Variants in EXT2 observed in about 807,000 individuals in gnomAD.
EXT2 encodes the protein exostosin-2.
In EXT2, 53 loss-of-function variants were observed where a neutral mutation model predicts 81.6. The observed-to-expected ratio is 0.65, with a 90% confidence interval of 0.52 to 0.82. The LOEUF (loss-of-function observed/expected upper bound fraction) is 0.82, where lower values mean the gene tolerates loss of function less well. Among genes scored for constraint, EXT2 ranks in the 40% least tolerant of loss-of-function variants. EXT2 has a pLI of 0.00. For synonymous variants in EXT2, 320 were observed against 340.0 expected (o/e 0.94, Z 0.65); for missense variants, 774 against 910.2 (o/e 0.85, Z 1.93).
intron 12 of EXT2, 85 bp from the exon 13 acceptor site, chr11:44,236,208 C>T (rs1955962730): frequency 8.3e-7 from 1 of 1,205,410 alleles, no homozygotes; most frequent in Non-Finnish European, 1.2e-6. Context: ...GCTTACAACA[C>T]AAAAGAATGC....
intron 4 of EXT2, chr11:44,116,012 A>C (rs1443928185): frequency 2.0e-5 from 3 of 152,164 alleles, no homozygotes; most frequent in Non-Finnish European, 4.4e-5. Context: ...TTATGTTTAA[A>C]ATTGAGATTA....
rs1488460481 is a variant in EXT2 at position 44,245,280 on chromosome 11, A to G, written c.*993A>G. The G allele has an allele frequency of 4.5e-6, 1 of 224,518 alleles. No homozygotes were observed. Among genetic ancestry groups the G allele is most frequent in the Non-Finnish European group, 8.9e-6 (1 of 112,398 alleles). The allele number at this position is 224,518 out of a possible 1,614,324, so 13.9% of individuals were successfully genotyped here. A position where few individuals can be genotyped will look rare whatever the true frequency, so the allele number is the denominator to read the frequency against. On this transcript the variant is annotated 3_prime_UTR_variant, in exon 14 of 14. Transcript: ENST00000533608. The stretch of plus-strand genomic sequence containing the variant: ...TTGTGGGAATTGTGACCCCCATCCC[A>G]AGGGGATGCCAAAATTTCTCTCATT...
chr11:44,151,483 C>T (rs890447939), intron 7 of EXT2, among the ~76,000 whole-genome samples: 3 of 152,038 alleles, frequency 2.0e-5, no homozygotes, highest in Non-Finnish European at 4.4e-5. Flanking sequence ...TAGTATGTAG[C>T]CCCTTCAGTT....
At position 44,197,976 on chromosome 11, in the gene EXT2, C is replaced by G; in HGVS notation, c.1453C>G (p.Leu485Val). ...GTCCAAGGTGCCCAGTCTATCCAAA[C>G]TACTTGTCGTCTGGAATAATCAGAA... ...EVSKVPSLSK[L>V]LVVWNNQNKN... Residue 485 changes from leucine to valine, a missense_variant, in exon 9 of 14, where the codon CTA becomes GTA. Leu to Val is a conservative substitution (Grantham distance 32, BLOSUM62 1). Transcript: ENST00000533608. The G allele has an allele frequency of 6.2e-7, 1 of 1,614,122 alleles. No homozygotes were observed. The highest frequency in any genetic ancestry group is 8.5e-7 in the Non-Finnish European group (1 of 1,179,990).
intron 10 of EXT2, among the ~76,000 whole-genome samples, chr11:44,214,333 C>T (rs1015452358): frequency 6.6e-6 from 1 of 152,156 alleles, no homozygotes; most frequent in Non-Finnish European, 1.5e-5. Flanking sequence ...CCAGCATGGT[C>T]TCGATCTCCT....
chr11:44,179,205 G>T (rs533799799), intron 8 of EXT2, among the ~76,000 whole-genome samples: 19 of 152,144 alleles, frequency 1.2e-4, no homozygotes, highest in Admixed American at 3.3e-4. Flanking sequence ...CGGACTCGAG[G>T]ATATTGCTAA....
chr11:44,150,374 A>G (rs767523263), intron 7 of EXT2, among the ~76,000 whole-genome samples: 35 of 152,220 alleles, frequency 2.3e-4, no homozygotes, highest in Non-Finnish European at 4.7e-4. Context: ...AACCACAATA[A>G]TGAACAACCC....
chr11:44,156,477 T>C (rs553802945), intron 7 of EXT2, among the ~76,000 whole-genome samples: 23 of 152,316 alleles, frequency 1.5e-4, no homozygotes, highest in African/African-American at 5.1e-4. Flanking sequence ...TTCTTTCTTT[T>C]GCTTGATAAA....
chr11:44,153,131 T>C lies in EXT2; in HGVS notation c.1174-18480T>C, dbSNP rs117471457. ...GGAAGAACCGACATCTTGACAATAT[T>C]GAGTCCTCCCAGCTAGGAATATAGA... On this transcript the variant is annotated intron_variant, in intron 7 of 13. Transcript: ENST00000533608. Among the ~76,000 whole-genome samples, 715 of 152,356 alleles carry C rather than the reference T, an allele frequency of 4.7e-3. 5 individuals carry two copies. The highest frequency in any genetic ancestry group is 0.03 in the East Asian group (157 of 5,182).
chr11:44,157,393 G>A (rs1038973648), intron 7 of EXT2, among the ~76,000 whole-genome samples: 1 of 152,194 alleles, frequency 6.6e-6, no homozygotes, highest in Non-Finnish European at 1.5e-5. Flanking sequence ...GGAACCTTAG[G>A]AATCTACTTG....
At chr11:44,147,180 A>G (rs996325931) in intron 7 of EXT2, among the ~76,000 whole-genome samples, 1 of 152,212 alleles carries the variant, frequency 6.6e-6, no homozygotes, top group Non-Finnish European at 1.5e-5. Flanking sequence ...AGGTTGATGG[A>G]GTGTTAATGT....
intron 4 of EXT2, among the ~76,000 whole-genome samples, chr11:44,121,838 C>A (rs891890611): frequency 3.9e-5 from 6 of 152,086 alleles, no homozygotes; most frequent in Admixed American, 3.3e-4. Context: ...ATCCCCATAA[C>A]CCTTCCCCCA....
In EXT2 at chr11:44,249,050, G is replaced by C. The variant is rs1012859042; in HGVS notation, c.*4763G>C. 1.3e-5 allele frequency among the ~76,000 whole-genome samples: 2 copies of C among 152,050 alleles called. No individual in the cohort carries two copies. The highest frequency in any genetic ancestry group is 3.9e-4 in the East Asian group (2 of 5,194). Reference sequence around the variant, plus strand: ...CTCACTCTGTCCCATAGGCTGGAGTGTAGTGCTGTGATCATGGCTCGCTGC... The same window carrying C: ...CTCACTCTGTCCCATAGGCTGGAGTCTAGTGCTGTGATCATGGCTCGCTGC... On this transcript the variant is annotated 3_prime_UTR_variant, in exon 14 of 14. Transcript: ENST00000533608.
intron 3 of EXT2, among the ~76,000 whole-genome samples, chr11:44,112,938 C>G (rs1172838114): frequency 2.0e-5 from 3 of 152,196 alleles, no homozygotes; most frequent in South Asian, 2.1e-4. Flanking sequence ...GCATCCATGT[C>G]TGCTTCTCTG....
At chr11:44,138,501 G>A (rs1954602082) in intron 7 of EXT2, among the ~76,000 whole-genome samples, 1 of 151,642 alleles carries the variant, frequency 6.6e-6, no homozygotes, top group South Asian at 2.1e-4. Context: ...CGAAGGTAAT[G>A]ATTCATTAGC....
intron 2 of EXT2, among the ~76,000 whole-genome samples, chr11:44,108,821 C>T (rs1345341234): frequency 6.6e-6 from 1 of 152,042 alleles, no homozygotes; most frequent in Non-Finnish European, 1.5e-5. Context: ...ATTTTATGTT[C>T]TTTTACTATA....
rs146429381 is a variant in EXT2, at chr11:44,143,078, A to T, written c.1173+12940A>T. Among the ~76,000 whole-genome samples the T allele has an allele frequency of 2.3e-4, 35 of 152,134 alleles. 1 individual carries two copies. In the East Asian group the frequency reaches 4.8e-3, roughly 21 times the overall value. On this transcript the variant is annotated intron_variant, in intron 7 of 13. Coordinates refer to ENST00000533608, the MANE Select transcript of EXT2 (RefSeq NM_207122.2). ...GCGATTCTCCTGCCTCAGCCTTCCGAATAGCTGGGATTACAGGTGTGCACC... is the reference window on the plus strand; with the variant it reads ...GCGATTCTCCTGCCTCAGCCTTCCGTATAGCTGGGATTACAGGTGTGCACC...
chr11:44,198,112 A>G, intron 9 of EXT2, 94 bp downstream of exon 9: 1 of 1,245,448 alleles, frequency 8.0e-7, no homozygotes, highest in Non-Finnish European at 1.2e-6. Flanking sequence ...TGCTTTGTCA[A>G]TAGCAATACC....
intron 12 of EXT2, among the ~76,000 whole-genome samples, chr11:44,234,871 G>C (rs1405344751): frequency 6.6e-6 from 1 of 152,142 alleles, no homozygotes; most frequent in Non-Finnish European, 1.5e-5. Context: ...TATATGAGTA[G>C]AATCATCTTG....
Sources: allele counts gnomAD v4.1 joint callset (sites outside exome capture counted in the v4.1 genomes callset), GRCh38; gene constraint gnomAD v4.1.1; transcripts MANE v1.5; gene names NCBI Gene and HGNC (gene_info 2026-07-23, HGNC 2026-07-21).